The following CTNNA2 variants were observed in gnomAD, a reference collection of about 807,000 sequenced individuals.
CTNNA2 encodes catenin alpha 2.
A neutral mutation model predicts 101.0 loss-of-function variants in CTNNA2; 42 were observed. The observed-to-expected ratio is 0.42, with a 90% CI of 0.32 to 0.54. The LOEUF (loss-of-function observed/expected upper bound fraction) is 0.54. CTNNA2 is among the 20% of genes least tolerant of loss of function. CTNNA2 has a pLI of 0.14. For synonymous variants in CTNNA2, 450 were observed against 456.4 expected, an observed-to-expected ratio of 0.99 and a Z score of 0.18; for missense variants, 871 against 1,223.1, an observed-to-expected ratio of 0.71 and a Z score of 4.29.
chr2:80,393,147 T>A lies in CTNNA2; in HGVS notation c.1057-64T>A, dbSNP rs140755127. ...ACTTCTCATGTTTTCCTGATTTTTT[T>A]AAATTTTTAATGTCTCTAACATTGA... On this transcript the variant is annotated intron_variant, in intron 7 of 18. Coordinates refer to ENST00000402739, the MANE Select transcript of CTNNA2 (RefSeq NM_001282597.3). 2,217 of 1,278,358 alleles carry A rather than the reference T, an allele frequency of 1.7e-3. 11 individuals carry two copies. Among genetic ancestry groups the A allele is most frequent in the African/African-American group, 8.4e-3 (551 of 65,528 alleles). 79.2% of individuals were successfully genotyped at this position (1,278,358 alleles called of 1,614,324 possible). A position where few individuals can be genotyped will look rare whatever the true frequency, so the allele number is the denominator to read the frequency against.
At chr2:80,243,739 T>C (rs1356369186) in intron 7 of CTNNA2, among the ~76,000 whole-genome samples, 2 of 152,192 alleles carry the variant, frequency 1.3e-5, no homozygotes, top group Non-Finnish European at 2.9e-5. Flanking sequence ...TGTGTACAAG[T>C]TTTTGCATGC....
chr2:80,382,309 TGTAATG>T, intron 7 of CTNNA2, among the ~76,000 whole-genome samples: 1 of 152,092 alleles, frequency 6.6e-6, no homozygotes, highest in East Asian at 1.9e-4. Context: ...TTCAAGGAAA[TGTAATG>T]GTCTGACACT....
intron 4 of CTNNA2, among the ~76,000 whole-genome samples, chr2:79,380,333 C>A (rs1216855107): frequency 2.0e-5 from 3 of 151,632 alleles, no homozygotes; most frequent in Admixed American, 2.0e-4. Flanking sequence ...CCATTATAAC[C>A]CTGAAGGCAG....
intron 3 of CTNNA2, among the ~76,000 whole-genome samples, chr2:79,829,758 C>T (rs935594374): frequency 6.6e-6 from 1 of 151,138 alleles, no homozygotes; most frequent in Non-Finnish European, 1.5e-5. Flanking sequence ...CTCGCTCTGT[C>T]GCCCAGGCTG....
chr2:79,443,826 C>A (rs1022183533), intron 4 of CTNNA2, among the ~76,000 whole-genome samples: 1 of 151,464 alleles, frequency 6.6e-6, no homozygotes, highest in Non-Finnish European at 1.5e-5. Context: ...CCTTAAGTAC[C>A]AAAGAAGGGA....
chr2:80,533,316 C>T (rs531008545), intron 9 of CTNNA2, among the ~76,000 whole-genome samples: 16 of 152,182 alleles, frequency 1.1e-4, no homozygotes, highest in East Asian at 5.8e-4. Context: ...GTTTAATTGG[C>T]GGAGGCATCC....
At chr2:80,171,961 G>A (rs890509095) in intron 7 of CTNNA2, among the ~76,000 whole-genome samples, 2 of 152,166 alleles carry the variant, frequency 1.3e-5, no homozygotes, top group Admixed American at 6.5e-5. Context: ...TATTTTAATA[G>A]TTAGAACACT....
intron 4 of CTNNA2, among the ~76,000 whole-genome samples, chr2:79,489,921 G>A (rs185896975): frequency 1.3e-5 from 2 of 152,176 alleles, no homozygotes; most frequent in Admixed American, 6.6e-5. Flanking sequence ...CTCTTGGCAG[G>A]GAATACTCAT....
At chr2:80,507,921 T>C (rs1688400505) in intron 9 of CTNNA2, among the ~76,000 whole-genome samples, 1 of 152,126 alleles carries the variant, frequency 6.6e-6, no homozygotes, top group South Asian at 2.1e-4. Context: ...GAGTCCTGTG[T>C]AGGGACGTTA....
intron 3 of CTNNA2, among the ~76,000 whole-genome samples, chr2:79,366,705 A>G (rs1484649079): frequency 6.6e-6 from 1 of 152,246 alleles, no homozygotes; most frequent in Non-Finnish European, 1.5e-5. Flanking sequence ...TTCATTCAAC[A>G]TTCAACACAA....
intron 3 of CTNNA2, among the ~76,000 whole-genome samples, chr2:79,835,740 C>T (rs529488865): frequency 1.5e-5 from 2 of 130,840 alleles, no homozygotes; most frequent in South Asian, 5.1e-4. Flanking sequence ...TCAAGCAATT[C>T]TCCTGCCTCA....
At chr2:79,388,509 A>G (rs1459699779) in intron 4 of CTNNA2, among the ~76,000 whole-genome samples, 1 of 152,208 alleles carries the variant, frequency 6.6e-6, no homozygotes, top group East Asian at 1.9e-4. Flanking sequence ...ATGTATTTAA[A>G]AGTTAAGAAA....
At chr2:79,726,445 A>C (rs1419075459) in intron 2 of CTNNA2, among the ~76,000 whole-genome samples, 1 of 152,120 alleles carries the variant, frequency 6.6e-6, no homozygotes, top group Non-Finnish European at 1.5e-5. Context: ...CTGTCAGAGC[A>C]GTGGGGGCAT....
intron 7 of CTNNA2, among the ~76,000 whole-genome samples, chr2:80,305,511 G>A (rs1230678224): frequency 6.6e-6 from 1 of 152,062 alleles, no homozygotes; most frequent in Admixed American, 6.6e-5. Context: ...AAGAGAGTGT[G>A]AATGTGTAGG....
chr2:79,378,723 A>G (rs1274064409), intron 4 of CTNNA2, among the ~76,000 whole-genome samples: 1 of 152,206 alleles, frequency 6.6e-6, no homozygotes, highest in Non-Finnish European at 1.5e-5. Flanking sequence ...AGGTGCTTAC[A>G]TGAAGCAGAA....
At chr2:80,559,681 G>T (rs1383767655) in intron 12 of CTNNA2, among the ~76,000 whole-genome samples, 1 of 151,922 alleles carries the variant, frequency 6.6e-6, no homozygotes, top group Non-Finnish European at 1.5e-5. Flanking sequence ...CAATAAATTG[G>T]ATCTACAGCA....
intron 7 of CTNNA2, among the ~76,000 whole-genome samples, chr2:79,954,365 T>A (rs1689081854): frequency 6.6e-6 from 1 of 152,208 alleles, no homozygotes; most frequent in African/African-American, 2.4e-5. Flanking sequence ...TACTTCATTG[T>A]CATGATTAAA....
At chr2:80,137,120 C>T (rs1248732678) in intron 7 of CTNNA2, among the ~76,000 whole-genome samples, 2 of 152,110 alleles carry the variant, frequency 1.3e-5, no homozygotes, top group African/African-American at 4.8e-5. Context: ...TTATAGTTTA[C>T]TGAGGGAGAC....
chr2:79,514,298 A>C (rs1671688981), intron 1 of CTNNA2, among the ~76,000 whole-genome samples: 1 of 152,196 alleles, frequency 6.6e-6, no homozygotes, highest in South Asian at 2.1e-4. Context: ...CAGGCTTGTA[A>C]ATATACCATT....
Sources: allele counts gnomAD v4.1 joint callset (sites outside exome capture counted in the v4.1 genomes callset), GRCh38; gene constraint gnomAD v4.1.1; transcripts MANE v1.5; gene names NCBI Gene and HGNC (gene_info 2026-07-23, HGNC 2026-07-21).